BMAL1: variants seen among roughly 807,000 people sequenced by gnomAD.
BMAL1 encodes the protein basic helix-loop-helix ARNT like 1, also known as basic helix-loop-helix ARNT-like protein 1.
At chr11:13,379,680 T>G in the BMAL1 span, 1 of 152,226 alleles carries the variant, frequency 6.6e-6, no homozygotes, top group Admixed American at 6.5e-5. Context: ...GAGGAAAGAT[T>G]TGAACTTGGC....
chr11:13,289,679 A>G, the BMAL1 span, among the ~76,000 whole-genome samples: 3 of 152,146 alleles, frequency 2.0e-5, no homozygotes, highest in Admixed American at 2.0e-4. Context: ...GATGGTTTCT[A>G]GCTTCATCCA....
the BMAL1 span, among the ~76,000 whole-genome samples, chr11:13,295,905 C>G: frequency 6.6e-6 from 1 of 152,196 alleles, no homozygotes; most frequent in African/African-American, 2.4e-5. Context: ...TCTCACCCAG[C>G]CACCCCCAGT....
chr11:13,356,918 G>C, the BMAL1 span: 4 of 1,585,270 alleles, frequency 2.5e-6, no homozygotes, highest in Non-Finnish European at 3.4e-6. Flanking sequence ...GGCGCTCACT[G>C]TGTCCCTCCA....
At chr11:13,324,383 T>C in the BMAL1 span, among the ~76,000 whole-genome samples, 51 of 149,252 alleles carry the variant, frequency 3.4e-4, no homozygotes, top group African/African-American at 1.0e-3. Context: ...CCGCATCTTT[T>C]CTTACTGTTC....
the BMAL1 span, among the ~76,000 whole-genome samples, chr11:13,383,522 T>C: frequency 6.6e-6 from 1 of 151,958 alleles, no homozygotes; most frequent in Non-Finnish European, 1.5e-5. Flanking sequence ...ACACTCACAG[T>C]AAAAAAATAG....
chr11:13,376,678 A>G, the BMAL1 span: 2 of 1,613,990 alleles, frequency 1.2e-6, no homozygotes, highest in Non-Finnish European at 1.7e-6. Flanking sequence ...ACCTTCCCAC[A>G]GCTCACAGCA....
At chr11:13,308,070 G>A in the BMAL1 span, among the ~76,000 whole-genome samples, 2 of 152,112 alleles carry the variant, frequency 1.3e-5, no homozygotes. Flanking sequence ...GGATGGGGAC[G>A]GTGGAGGTGG....
the BMAL1 span, among the ~76,000 whole-genome samples, chr11:13,370,393 T>G: frequency 1.3e-5 from 2 of 152,196 alleles, no homozygotes; most frequent in African/African-American, 4.8e-5. Flanking sequence ...TTCATAAATA[T>G]ACTGCTTACT....
the BMAL1 span, among the ~76,000 whole-genome samples, chr11:13,314,018 C>CT: frequency 6.6e-6 from 1 of 151,868 alleles, no homozygotes. Flanking sequence ...ATGGCGTGGT[C>CT]TCTGTTCACC....
the BMAL1 span, chr11:13,354,162 T>TA: frequency 6.2e-6 from 5 of 810,152 alleles, no homozygotes; most frequent in East Asian, 1.4e-4. Flanking sequence ...AGAGATGCAT[T>TA]AGTGCTGCTG....
the BMAL1 span, chr11:13,381,321 G>C: frequency 3.3e-6 from 5 of 1,518,420 alleles, no homozygotes; most frequent in African/African-American, 4.1e-5. Context: ...GTTGGGGGTG[G>C]GAGTATGGAA....
At chr11:13,317,618 A>G in the BMAL1 span, among the ~76,000 whole-genome samples, 3 of 152,240 alleles carry the variant, frequency 2.0e-5, no homozygotes, top group Non-Finnish European at 4.4e-5. Flanking sequence ...GACCTGAGAA[A>G]TTCTCCCTCT....
the BMAL1 span, among the ~76,000 whole-genome samples, chr11:13,375,973 A>G: frequency 6.6e-6 from 1 of 152,216 alleles, no homozygotes; most frequent in African/African-American, 2.4e-5. Context: ...GCCCTGGCTT[A>G]TGAAACTGCT....
the BMAL1 span, among the ~76,000 whole-genome samples, chr11:13,363,333 T>C: frequency 1.3e-5 from 2 of 152,216 alleles, no homozygotes; most frequent in Admixed American, 6.5e-5. Context: ...AGGATTATCA[T>C]GCTATCTCAG....
chr11:13,339,298 A>G, the BMAL1 span, among the ~76,000 whole-genome samples: 1 of 152,248 alleles, frequency 6.6e-6, no homozygotes, highest in East Asian at 1.9e-4. Context: ...ATTGATCAGC[A>G]CAGCCCCTGG....
chr11:13,383,381 A>AT, the BMAL1 span, among the ~76,000 whole-genome samples: 4 of 152,102 alleles, frequency 2.6e-5, no homozygotes, highest in South Asian at 2.1e-4. Context: ...TAAAACGTTA[A>AT]TTTTTTCCCT....
the BMAL1 span, among the ~76,000 whole-genome samples, chr11:13,367,612 A>G: frequency 1.4e-5 from 2 of 146,418 alleles, no homozygotes; most frequent in South Asian, 2.3e-4. Flanking sequence ...GAGGCAGGAG[A>G]GTTTCTTGAA....
the BMAL1 span, among the ~76,000 whole-genome samples, chr11:13,364,399 C>T: frequency 2.0e-5 from 3 of 152,252 alleles, no homozygotes; most frequent in Non-Finnish European, 1.5e-5. Flanking sequence ...CCTTCTGGCA[C>T]ATTAATTCAT....
At chr11:13,309,238 C>T in the BMAL1 span, among the ~76,000 whole-genome samples, 457 of 152,106 alleles carry the variant, frequency 3.0e-3, 3 homozygotes, top group African/African-American at 9.6e-3. Flanking sequence ...TGGAGGAAGA[C>T]GTCCAGCTCA....
Sources: allele counts gnomAD v4.1 joint callset (sites outside exome capture counted in the v4.1 genomes callset), GRCh38; gene constraint gnomAD v4.1.1; transcripts MANE v1.5; gene names NCBI Gene and HGNC (gene_info 2026-07-23, HGNC 2026-07-21).